Variants in DNAJC3 observed in about 807,000 individuals in gnomAD.
The protein encoded by DNAJC3 is dnaJ homolog subfamily C member 3.
In DNAJC3, 38 loss-of-function variants were observed where a neutral mutation model predicts 68.6. That is an observed-to-expected ratio of 0.55 (90% CI 0.43 to 0.73). The LOEUF (loss-of-function observed/expected upper bound fraction) is 0.73. Ranked by LOEUF, DNAJC3 falls within the 30% of genes least tolerant of loss-of-function variation. The pLI is 0.00. For synonymous variants in DNAJC3, 203 were observed against 204.0 expected, an observed-to-expected ratio of 1.00 and a Z score of 0.04; for missense variants, 526 against 591.9, an observed-to-expected ratio of 0.89 and a Z score of 1.16.
chr13:95,712,067 G>A (rs1489068519), intron 2 of DNAJC3, among the ~76,000 whole-genome samples: 1 of 152,126 alleles, frequency 6.6e-6, no homozygotes, highest in South Asian at 2.1e-4. Context: ...ATTTGGTTTG[G>A]CATTCAAAAG....
intron 9 of DNAJC3, among the ~76,000 whole-genome samples, chr13:95,773,626 ATAAGGTCTG>A (rs1242332316): frequency 2.0e-5 from 3 of 151,764 alleles, no homozygotes; most frequent in Admixed American, 2.0e-4. Context: ...TTTAATGTCT[ATAAGGTCTG>A]TAAGATTATT....
chr13:95,723,787 A>C (rs1452655339), intron 3 of DNAJC3, among the ~76,000 whole-genome samples: 4 of 152,226 alleles, frequency 2.6e-5, no homozygotes, highest in Non-Finnish European at 5.9e-5. Context: ...TTGTGGTGAC[A>C]ATAAAATGCT....
At chr13:95,694,029 A>C (rs2139609156) in intron 1 of DNAJC3, 1 of 152,324 alleles carries the variant, frequency 6.6e-6, no homozygotes, top group Admixed American at 6.5e-5. Flanking sequence ...ACAATGTTCA[A>C]CCAGCAGCCA....
chr13:95,783,353 G>A (rs1312376576), intron 9 of DNAJC3, among the ~76,000 whole-genome samples: 1 of 152,086 alleles, frequency 6.6e-6, no homozygotes, highest in African/African-American at 2.4e-5. Flanking sequence ...ACTGCTTTGG[G>A]GAGATAACTC....
rs573310392 is a variant in DNAJC3 at position 95,770,487 on chromosome 13, T to G, written c.1075+6534T>G. Reference sequence around the variant, plus strand: ...TAGCACTTTTATCTCTTTTCCCCTATAAAAATGTTAACAGTGCCTCATATG... The same window carrying G: ...TAGCACTTTTATCTCTTTTCCCCTAGAAAAATGTTAACAGTGCCTCATATG... On this transcript the variant is annotated intron_variant, in intron 9 of 11. Transcript: ENST00000602402. Among the ~76,000 whole-genome samples the G allele has an allele frequency of 2.0e-5, 3 of 152,282 alleles. No homozygotes were observed. The South Asian group carries it at 6.2e-4, about 32-fold the overall frequency.
At chr13:95,683,971 T>G (rs1880001728) in intron 1 of DNAJC3, among the ~76,000 whole-genome samples, 1 of 152,074 alleles carries the variant, frequency 6.6e-6, no homozygotes, top group Non-Finnish European at 1.5e-5. Flanking sequence ...TCCGGGTATT[T>G]CTTTATAGCA....
At chr13:95,708,949 T>G (rs1192891046) in intron 1 of DNAJC3, among the ~76,000 whole-genome samples, 1 of 152,222 alleles carries the variant, frequency 6.6e-6, no homozygotes, top group Non-Finnish European at 1.5e-5. Context: ...TCAAAATATT[T>G]TTACTACTTC....
Position 95,791,397 on chromosome 13 carries a change from G to T in DNAJC3, c.*367G>T, listed in dbSNP as rs188075741. On this transcript the variant is annotated 3_prime_UTR_variant, in exon 12 of 12. Transcript: ENST00000602402. ...GCAGAGTAAGTCAGTGCCTACAAGT[G>T]TAAGAAGGAGCTGTAATCTTCATGA... 12 of 242,104 alleles carry T rather than the reference G, an allele frequency of 5.0e-5. No individual in the cohort carries two copies. The highest frequency in any genetic ancestry group is 1.5e-3 in the Middle Eastern group (1 of 654). The allele number at this position is 242,104 out of a possible 1,614,324, so 15.0% of individuals were successfully genotyped here.
intron 9 of DNAJC3, among the ~76,000 whole-genome samples, chr13:95,782,625 T>A (rs149872345): frequency 0.015 from 2,276 of 152,354 alleles, 60 homozygotes; most frequent in African/African-American, 0.052. Flanking sequence ...TCTGTTCATA[T>A]CCTTCGCCCA....
At chr13:95,688,601 C>T (rs528937414) in intron 1 of DNAJC3, among the ~76,000 whole-genome samples, 19 of 151,664 alleles carry the variant, frequency 1.3e-4, no homozygotes, top group East Asian at 3.9e-4. Flanking sequence ...CTGCAACCTA[C>T]GCCTCCCACT....
At chr13:95,714,730 T>C (rs1881083820) in intron 2 of DNAJC3, among the ~76,000 whole-genome samples, 1 of 152,248 alleles carries the variant, frequency 6.6e-6, no homozygotes, top group Non-Finnish European at 1.5e-5. Context: ...TTAAATTCTT[T>C]TCAGTTACTG....
chr13:95,753,348 C>G (rs952124003), intron 4 of DNAJC3, among the ~76,000 whole-genome samples: 1 of 151,856 alleles, frequency 6.6e-6, no homozygotes, highest in Non-Finnish European at 1.5e-5. Flanking sequence ...TTTGGACATT[C>G]AAATTAGTGT....
At chr13:95,732,274 T>C (rs572270712) in intron 4 of DNAJC3, among the ~76,000 whole-genome samples, 2 of 152,326 alleles carry the variant, frequency 1.3e-5, no homozygotes, top group East Asian at 3.9e-4. Context: ...TTTATATGTT[T>C]GGAAGAATTT....
At chr13:95,755,788 A>G (rs1161331709) in intron 4 of DNAJC3, among the ~76,000 whole-genome samples, 1 of 147,454 alleles carries the variant, frequency 6.8e-6, no homozygotes, top group African/African-American at 2.5e-5. Context: ...AAAAAAAAGA[A>G]TAAAAAAAAA....
intron 4 of DNAJC3, among the ~76,000 whole-genome samples, chr13:95,753,896 G>T (rs1421233038): frequency 6.6e-6 from 1 of 152,114 alleles, no homozygotes; most frequent in Non-Finnish European, 1.5e-5. Context: ...TGATTGCCAG[G>T]AATGGGGTTT....
At chr13:95,709,396 CTT>C in intron 2 of DNAJC3, 59 bp downstream of exon 2, 3 of 1,164,652 alleles carry the variant, frequency 2.6e-6, no homozygotes, top group Non-Finnish European at 3.6e-6. Flanking sequence ...AGTAATAGCT[CTT>C]TTTTTAAAAA....
At chr13:95,718,512 C>G (rs1201510563) in intron 2 of DNAJC3, among the ~76,000 whole-genome samples, 2 of 152,238 alleles carry the variant, frequency 1.3e-5, no homozygotes, top group Non-Finnish European at 2.9e-5. Context: ...AGTGATTCTC[C>G]TCTTCAGCCT....
At chr13:95,729,394 C>T (rs1881641481) in intron 4 of DNAJC3, among the ~76,000 whole-genome samples, 1 of 150,238 alleles carries the variant, frequency 6.7e-6, no homozygotes, top group Non-Finnish European at 1.5e-5. Context: ...CTCCCTCTCC[C>T]TCTCCCTCTC....
At chr13:95,704,853 T>TTTTTTTTTG (rs1555323375) in intron 1 of DNAJC3, among the ~76,000 whole-genome samples, 1 of 133,396 alleles carries the variant, frequency 7.5e-6, no homozygotes, top group African/African-American at 3.3e-5. Flanking sequence ...GTGTGTGTGT[T>TTTTTTTTTG]TTTTTTTTTT....
Sources: allele counts gnomAD v4.1 joint callset (sites outside exome capture counted in the v4.1 genomes callset), GRCh38; gene constraint gnomAD v4.1.1; transcripts MANE v1.5; gene names NCBI Gene and HGNC (gene_info 2026-07-23, HGNC 2026-07-21).